The following ASXL2 variants were observed in gnomAD, a reference collection of about 807,000 sequenced individuals.
ASXL2 encodes ASXL transcriptional regulator 2, also known as putative Polycomb group protein ASXL2.
ASXL2 carries 23 observed loss-of-function variants against 122.0 expected under a neutral mutation model. The ratio of observed to expected loss-of-function variants is 0.19; its 90% CI spans 0.14 to 0.27. ASXL2 has a LOEUF of 0.27. Ranked by LOEUF, ASXL2 falls within the 10% of genes least tolerant of loss-of-function variation. The pLI is 1.00. For missense variants in ASXL2, 1,518 were observed against 1,713.8 expected (o/e 0.89, Z 2.02); for synonymous variants, 650 against 637.0 (o/e 1.02, Z -0.31).
intron 3 of ASXL2, chr2:25,822,954 ATACTG>A (rs906779550): frequency 1.9e-6 from 1 of 521,510 alleles, no homozygotes; most frequent in African/African-American, 2.0e-5. Flanking sequence ...GGAGTAAGGA[ATACTG>A]TCATCACCTG....
intron 3 of ASXL2, among the ~76,000 whole-genome samples, chr2:25,814,097 A>G (rs941382456): frequency 6.6e-6 from 1 of 152,140 alleles, no homozygotes; most frequent in African/African-American, 2.4e-5. Flanking sequence ...CTGCCATAAT[A>G]TTTTCCTTGC....
At chr2:25,872,388 A>G (rs1193353282) in intron 1 of ASXL2, among the ~76,000 whole-genome samples, 1 of 150,838 alleles carries the variant, frequency 6.6e-6, no homozygotes, top group East Asian at 1.9e-4. Context: ...TCTCAAGGAG[A>G]AAAAAAAAAT....
In ASXL2 at chr2:25,773,859, C is replaced by T. The variant is rs182525270; in HGVS notation, c.404-2319G>A. ...CAGCCTGGCCAACATGGTGAAACCC[C>T]GCCTCTACTAAAATACAAAAATTAG... On this transcript the variant is annotated intron_variant, in intron 5 of 12. Transcript: ENST00000435504. Among the ~76,000 whole-genome samples, 833 of 151,482 alleles carry T rather than the reference C, an allele frequency of 5.5e-3. 3 individuals carry two copies. The highest frequency in any genetic ancestry group is 8.5e-3 in the Non-Finnish European group (577 of 67,894).
chr2:25,743,035 G>C lies in ASXL2; in HGVS notation c.3302C>G (p.Ser1101Cys), dbSNP rs2149136241. ...AHSGFQLEDI[S>C]TSQRFMLGFA... The stretch of plus-strand genomic sequence containing the variant: ...ACCCAGCATGAACCTCTGGCTTGTG[G>C]AGATGTCTTCCAGCTGGAAACCTGA... The change falls in exon 13 of 13, where the codon TCC becomes TGC. Residue 1101 changes from serine (S) to cysteine (C), a missense_variant. Ser to Cys is a moderately radical substitution (Grantham distance 112). This residue lies in a region of ASXL2 where 831 missense variants were observed against 833.1 expected (regional missense o/e 1.00). Coordinates refer to ENST00000435504, the MANE Select transcript of ASXL2 (RefSeq NM_018263.6). 6.2e-7 allele frequency: 1 copy of C among 1,614,028 alleles called. No homozygotes were observed. Among genetic ancestry groups the C allele is most frequent in the Non-Finnish European group, 8.5e-7 (1 of 1,179,898 alleles).
chr2:25,783,419 A>T (rs2088680057), intron 5 of ASXL2, among the ~76,000 whole-genome samples: 1 of 150,210 alleles, frequency 6.7e-6, no homozygotes, highest in Non-Finnish European at 1.5e-5. Flanking sequence ...AAAAAAAAGG[A>T]GGTTAACAAA....
At chr2:25,859,220 G>A (rs991087306) in intron 1 of ASXL2, among the ~76,000 whole-genome samples, 2 of 152,020 alleles carry the variant, frequency 1.3e-5, no homozygotes, top group African/African-American at 4.8e-5. Flanking sequence ...GGGACTGCAG[G>A]CACACACCAC....
intron 3 of ASXL2, among the ~76,000 whole-genome samples, chr2:25,831,452 G>A (rs1016689885): frequency 6.6e-6 from 1 of 152,196 alleles, no homozygotes; most frequent in African/African-American, 2.4e-5. Flanking sequence ...TTTGAGCTCA[G>A]GTATTGCGCT....
chr2:25,863,416 G>A (rs1385171777), intron 1 of ASXL2, among the ~76,000 whole-genome samples: 1 of 151,922 alleles, frequency 6.6e-6, no homozygotes, highest in Non-Finnish European at 1.5e-5. Flanking sequence ...ACAGGGGCCA[G>A]GCACAGTGGC....
intron 5 of ASXL2, among the ~76,000 whole-genome samples, chr2:25,784,906 A>G (rs2088711886): frequency 6.6e-6 from 1 of 152,228 alleles, no homozygotes; most frequent in Non-Finnish European, 1.5e-5. Context: ...AGGGGACACA[A>G]TTTGAAGCAT....
At position 25,744,971 on chromosome 2, in the gene ASXL2, ACACACAC is replaced by A. The variant is rs2087916650; in HGVS notation, c.1861-502_1861-496del. The stretch of plus-strand genomic sequence containing the variant: ...CACACACACACACACACACACACAC[ACACACAC>A]ACTTGGGCTGGATTATCTCAAATTA... On this transcript the variant is annotated intron_variant, in intron 12 of 12. Transcript: ENST00000435504. The surrounding 1 kb of genome is among the most constrained non-coding windows in gnomAD (Gnocchi z 4.7). Among the ~76,000 whole-genome samples, 1 of 148,918 alleles carries A rather than the reference ACACACAC, an allele frequency of 6.7e-6. No homozygotes were observed. Among genetic ancestry groups the A allele is most frequent in the South Asian group, 2.1e-4 (1 of 4,746 alleles).
chr2:25,823,350 A>G (rs1354676980), intron 3 of ASXL2, among the ~76,000 whole-genome samples: 2 of 152,172 alleles, frequency 1.3e-5, no homozygotes, highest in African/African-American at 2.4e-5. Context: ...ATTATAGAAC[A>G]TGGATTCAAA....
intron 2 of ASXL2, among the ~76,000 whole-genome samples, chr2:25,843,826 A>AAAAAAG (rs1458417351): frequency 6.6e-6 from 1 of 151,506 alleles, no homozygotes; most frequent in African/African-American, 2.4e-5. Flanking sequence ...AAAAAAAAAA[A>AAAAAAG]AAAAAAGAAA....
intron 9 of ASXL2, among the ~76,000 whole-genome samples, chr2:25,758,643 G>A (rs960106820): frequency 1.3e-5 from 2 of 149,674 alleles, no homozygotes; most frequent in African/African-American, 4.9e-5. Flanking sequence ...CTGCCTTGAC[G>A]CTTGCCAAAC....
At chr2:25,838,398 C>T (rs2089538459) in intron 2 of ASXL2, among the ~76,000 whole-genome samples, 1 of 152,186 alleles carries the variant, frequency 6.6e-6, no homozygotes, top group Non-Finnish European at 1.5e-5. Context: ...TAATAACTTT[C>T]CTGTTCAAAT....
chr2:25,851,275 C>T (rs1165269822), intron 1 of ASXL2, among the ~76,000 whole-genome samples: 1 of 152,056 alleles, frequency 6.6e-6, no homozygotes, highest in Non-Finnish European at 1.5e-5. Context: ...TTTCAAATAC[C>T]ACTATTAATA....
chr2:25,851,077 C>T (rs759222276), intron 1 of ASXL2, among the ~76,000 whole-genome samples: 5 of 149,146 alleles, frequency 3.4e-5, no homozygotes, highest in South Asian at 2.1e-4. Context: ...ACCTGGGAGG[C>T]GAAAGTTGCA....
In ASXL2 at chr2:25,749,740, T is replaced by A. The variant is rs2088006164; in HGVS notation, c.1816A>T (p.Asn606Tyr). The A allele has an allele frequency of 6.4e-7, 1 of 1,556,486 alleles. No individual in the cohort carries two copies. The highest frequency in any genetic ancestry group is 8.6e-7 in the Non-Finnish European group (1 of 1,158,436). ...PFQVSPQPFL[N>Y]RGDRIQVRKV... ...CGCACCTGGATTCTGTCCCCTCTATTGAGAAAGGGCTGTGGTGAGACCTGA... is the reference window on the plus strand; with the variant it reads ...CGCACCTGGATTCTGTCCCCTCTATAGAGAAAGGGCTGTGGTGAGACCTGA... Residue 606 changes from asparagine to tyrosine, a missense_variant, in exon 12 of 13, where the codon AAT becomes TAT. Asn to Tyr is a moderately radical substitution (Grantham distance 143, BLOSUM62 -2). This residue lies in a region of ASXL2 where 292 missense variants were observed against 293.5 expected (regional missense o/e 1.00). Coordinates refer to ENST00000435504, the MANE Select transcript of ASXL2 (RefSeq NM_018263.6).
chr2:25,834,064 A>G lies in ASXL2; in HGVS notation c.143+1474T>C, dbSNP rs541186132. The stretch of plus-strand genomic sequence containing the variant: ...CCTATCATTTGCACTTAAAGAACCC[A>G]ATCAATGACCAGGCGCAGTGGCTCA... On this transcript the variant is annotated intron_variant, in intron 3 of 12. Transcript: ENST00000435504. Among the ~76,000 whole-genome samples the G allele has an allele frequency of 5.3e-5, 8 of 152,250 alleles. No homozygotes were observed. In the East Asian group the frequency reaches 1.4e-3, roughly 26 times the overall value.
At chr2:25,831,705 G>A (rs1047414252) in intron 3 of ASXL2, among the ~76,000 whole-genome samples, 1 of 151,970 alleles carries the variant, frequency 6.6e-6, no homozygotes, top group Non-Finnish European at 1.5e-5. Flanking sequence ...AAAAGAAAAA[G>A]TAATAAAGAA....
Sources: gnomAD v4.1 joint callset for allele counts (sites outside exome capture counted in the v4.1 genomes callset) on GRCh38, gnomAD v4.1.1 for gene constraint, gnomAD v4.1.1 regional missense constraint, Gnocchi (gnomAD v3.1) non-coding constraint, MANE v1.5 for transcripts, NCBI Gene and HGNC (gene_info 2026-07-23, HGNC 2026-07-21) for gene names.